PCSK5: variants seen among roughly 807,000 people sequenced by gnomAD.
PCSK5 encodes the protein proprotein convertase subtilisin/kexin type 5, also known as prohormone convertase 5.
Under a neutral mutation model 233.2 loss-of-function variants are expected in PCSK5, and 129 were observed. The ratio of observed to expected loss-of-function variants is 0.55; its 90% CI spans 0.48 to 0.64. PCSK5 has a LOEUF of 0.64. Among genes scored for constraint, PCSK5 ranks in the 30% least tolerant of loss-of-function variants. PCSK5 has a pLI of 0.00. For missense variants in PCSK5, 2,076 were observed against 2,430.1 expected, an observed-to-expected ratio of 0.85 and a Z score of 3.06; for synonymous variants, 825 against 879.2, an observed-to-expected ratio of 0.94 and a Z score of 1.09.
intron 20 of PCSK5, among the ~76,000 whole-genome samples, chr9:76,213,135 C>T (rs12336492): frequency 0.42 from 63,231 of 152,130 alleles, 14,153 homozygotes; most frequent in African/African-American, 0.59. Flanking sequence ...CAAAACCATG[C>T]GTCCATGCCT....
rs1178892222 is a variant in PCSK5 at position 76,175,014 on chromosome 9, C to G, written c.1785C>G (p.Leu595=). ...AATTGAAAGAATGGTCTTTGGTCCTCTACGGCACCTCCGTGCAGCCATATT... is the reference window on the plus strand; with the variant it reads ...AATTGAAAGAATGGTCTTTGGTCCTGTACGGCACCTCCGTGCAGCCATATT... ...PGKLKEWSLV[L]YGTSVQPYSP... The change falls in exon 14 of 38, where the codon CTC becomes CTG. Residue 595 remains leucine (L), a synonymous_variant. Transcript: ENST00000674117. The G allele has an allele frequency of 6.2e-7, 1 of 1,612,770 alleles. No individual in the cohort carries two copies. Among genetic ancestry groups the G allele is most frequent in the African/African-American group, 1.3e-5 (1 of 74,838 alleles).
chr9:76,210,546 G>A (rs1825291914), intron 20 of PCSK5, among the ~76,000 whole-genome samples: 1 of 152,176 alleles, frequency 6.6e-6, no homozygotes, highest in Non-Finnish European at 1.5e-5. Context: ...CAGTTTGTAA[G>A]GTGAGCAATA....
chr9:76,169,100 T>G (rs991332508), intron 12 of PCSK5, among the ~76,000 whole-genome samples: 27 of 152,220 alleles, frequency 1.8e-4, no homozygotes, highest in African/African-American at 5.8e-4. Context: ...GTGATTGAAT[T>G]CACACATGCA....
chr9:76,289,517 T>TACACACACACACACACACAC (rs138282168), intron 24 of PCSK5, among the ~76,000 whole-genome samples: 66 of 119,428 alleles, frequency 5.5e-4, no homozygotes, highest in South Asian at 6.1e-4. Context: ...ACACGCAACA[T>TACACACACACACACACACAC]ACACACACAC....
intron 5 of PCSK5, among the ~76,000 whole-genome samples, chr9:76,037,762 G>A (rs376959636): frequency 6.6e-6 from 1 of 152,124 alleles, no homozygotes; most frequent in Non-Finnish European, 1.5e-5. Context: ...GTGAGGTTGT[G>A]TCGTACGTGG....
chr9:76,135,813 C>G (rs535625926), intron 10 of PCSK5, among the ~76,000 whole-genome samples: 2 of 152,052 alleles, frequency 1.3e-5, no homozygotes, highest in South Asian at 4.1e-4. Flanking sequence ...ACATTAACCT[C>G]CATGAAGCTG....
At chr9:75,910,087 C>A (rs1208546278) in intron 1 of PCSK5, among the ~76,000 whole-genome samples, 1 of 152,220 alleles carries the variant, frequency 6.6e-6, no homozygotes, top group Non-Finnish European at 1.5e-5. Flanking sequence ...TAGAAATAAA[C>A]CTTTTTTGTT....
At chr9:76,059,626 A>G (rs2131577338) in intron 5 of PCSK5, among the ~76,000 whole-genome samples, 1 of 152,274 alleles carries the variant, frequency 6.6e-6, no homozygotes, top group East Asian at 1.9e-4. Flanking sequence ...TCCTTTCCCC[A>G]TTTCTTGTTT....
At chr9:75,937,076 G>T (rs1484045032) in intron 2 of PCSK5, among the ~76,000 whole-genome samples, 1 of 151,824 alleles carries the variant, frequency 6.6e-6, no homozygotes, top group African/African-American at 2.4e-5. Flanking sequence ...GGTCTCAACA[G>T]TTGGCTTAAA....
chr9:76,289,517 T>TACACACAC (rs138282168), intron 24 of PCSK5, among the ~76,000 whole-genome samples: 12 of 119,460 alleles, frequency 1.0e-4, no homozygotes, highest in East Asian at 3.1e-4. Context: ...ACACGCAACA[T>TACACACAC]ACACACACAC....
chr9:75,999,104 A>G (rs11144711), intron 3 of PCSK5, among the ~76,000 whole-genome samples: 65,083 of 151,850 alleles, frequency 0.43, 14,273 homozygotes, highest in Non-Finnish European at 0.48. Flanking sequence ...TTACATGTGT[A>G]GAACATGCAG....
intron 3 of PCSK5, among the ~76,000 whole-genome samples, chr9:75,995,212 T>C (rs957823516): frequency 4.6e-5 from 7 of 152,180 alleles, no homozygotes; most frequent in Non-Finnish European, 1.0e-4. Context: ...AGTTATAACT[T>C]TCCATCTCTG....
At chr9:76,263,773 T>TATA (rs1184424494) in intron 24 of PCSK5, among the ~76,000 whole-genome samples, 2 of 150,316 alleles carry the variant, frequency 1.3e-5, no homozygotes, top group Non-Finnish European at 3.0e-5. Context: ...AAACTTAAAG[T>TATA]ATAATAATAA....
At position 75,900,392 on chromosome 9, in the gene PCSK5, T is replaced by A. The variant is rs1463237332; in HGVS notation, c.192+9019T>A. Among the ~76,000 whole-genome samples, 3 of 152,094 alleles carry A rather than the reference T, an allele frequency of 2.0e-5. No individual in the cohort carries two copies. In the East Asian group the frequency reaches 5.8e-4, roughly 29 times the overall value. On this transcript the variant is annotated intron_variant, in intron 1 of 37. Coordinates refer to ENST00000674117, the MANE Select transcript of PCSK5 (RefSeq NM_001372043.1). The stretch of plus-strand genomic sequence containing the variant: ...GAGTTATTATATCTTGTTTAAAATT[T>A]TTTTGGCCAGGTGAAGAGGCTCATG...
At chr9:76,220,470 T>G (rs566127491) in intron 20 of PCSK5, among the ~76,000 whole-genome samples, 1 of 141,438 alleles carries the variant, frequency 7.1e-6, no homozygotes, top group East Asian at 2.0e-4. Context: ...GAGGTTGCAG[T>G]GAGCTGAAAA....
chr9:75,961,580 G>GT (rs1215925598), intron 2 of PCSK5, among the ~76,000 whole-genome samples: 2 of 152,144 alleles, frequency 1.3e-5, no homozygotes, highest in Admixed American at 1.3e-4. Context: ...ATTAGAACAT[G>GT]TTTAAGTATG....
intron 24 of PCSK5, among the ~76,000 whole-genome samples, chr9:76,245,907 A>T (rs1475645704): frequency 6.6e-6 from 1 of 152,192 alleles, no homozygotes; most frequent in Non-Finnish European, 1.5e-5. Flanking sequence ...ATATAAAATA[A>T]AGCAGACAAA....
At chr9:76,224,585 G>A (rs891402119) in intron 20 of PCSK5, among the ~76,000 whole-genome samples, 1 of 152,190 alleles carries the variant, frequency 6.6e-6, no homozygotes, top group South Asian at 2.1e-4. Context: ...TAATCGCACA[G>A]TGACAGGGAG....
At chr9:75,897,489 C>CTTTTTT (rs58504698) in intron 1 of PCSK5, among the ~76,000 whole-genome samples, 10 of 119,602 alleles carry the variant, frequency 8.4e-5, no homozygotes, top group Non-Finnish European at 9.9e-5. Flanking sequence ...TCTTTCTTTT[C>CTTTTTT]TTTTTTTTTT....
Sources: gnomAD v4.1 joint callset for allele counts (sites outside exome capture counted in the v4.1 genomes callset) on GRCh38, gnomAD v4.1.1 for gene constraint, MANE v1.5 for transcripts, NCBI Gene and HGNC (gene_info 2026-07-23, HGNC 2026-07-21) for gene names.